ERBB4: variants seen among roughly 807,000 people sequenced by gnomAD.
ERBB4 encodes erb-b2 receptor tyrosine kinase 4.
ERBB4 carries 42 observed loss-of-function variants against 158.0 expected under a neutral mutation model. The ratio of observed to expected loss-of-function variants is 0.27; its 90% CI spans 0.21 to 0.34. ERBB4 has a LOEUF of 0.34. Among genes scored for constraint, ERBB4 ranks in the 10% least tolerant of loss-of-function variants. The pLI is 1.00. For synonymous variants in ERBB4, 583 were observed against 558.7 expected (o/e 1.04, Z -0.61); for missense variants, 1,333 against 1,624.1 (o/e 0.82, Z 3.08).
intron 3 of ERBB4, among the ~76,000 whole-genome samples, chr2:211,926,066 G>C (rs2080013899): frequency 6.6e-6 from 1 of 152,238 alleles, no homozygotes; most frequent in East Asian, 1.9e-4. Flanking sequence ...ACAGCTGAAG[G>C]GAGGTGGTTG....
intron 20 of ERBB4, among the ~76,000 whole-genome samples, chr2:211,440,983 C>G (rs930550903): frequency 3.3e-5 from 5 of 152,194 alleles, no homozygotes; most frequent in Non-Finnish European, 5.9e-5. Flanking sequence ...AAAAGTGGCA[C>G]CTACATACTT....
At chr2:211,832,931 A>G (rs11677638) in intron 3 of ERBB4, among the ~76,000 whole-genome samples, 36,819 of 151,104 alleles carry the variant, frequency 0.24, 5,474 homozygotes, top group East Asian at 0.42. Flanking sequence ...TATAAATTAG[A>G]ATTCTTGTGT....
intron 1 of ERBB4, among the ~76,000 whole-genome samples, chr2:212,281,766 CT>C (rs903106407): frequency 2.6e-5 from 4 of 151,770 alleles, no homozygotes; most frequent in African/African-American, 9.7e-5. Flanking sequence ...CAAATAGCAT[CT>C]TTCCATCTAC....
chr2:211,420,577 T>A lies in ERBB4; in HGVS notation c.2999A>T (p.Asp1000Val), dbSNP rs1248323922. The A allele has an allele frequency of 2.5e-6, 4 of 1,612,862 alleles. No individual in the cohort carries two copies. The highest frequency in any genetic ancestry group is 3.4e-6 in the Non-Finnish European group (4 of 1,179,282). ...CAAGAGATTCTGAAAGAACTTGCTG[T>A]CATTTGGACTGGGAAGCTTCATACG... ...DDRMKLPSPN[D>V]SKFFQNLLDE... Residue 1000 changes from aspartate to valine, a missense_variant, in exon 25 of 28, where the codon GAC (aspartate) becomes GTC (valine). By Grantham distance (152) the Asp-to-Val change is radical. Coordinates refer to ENST00000342788, the MANE Select transcript of ERBB4 (RefSeq NM_005235.3).
intron 4 of ERBB4, among the ~76,000 whole-genome samples, chr2:211,766,831 C>T (rs1430567680): frequency 6.6e-6 from 1 of 152,282 alleles, no homozygotes; most frequent in African/African-American, 2.4e-5. Flanking sequence ...CCCACTCCCC[C>T]ATTTCTGCAT....
chr2:212,152,915 A>T (rs2080917169), intron 1 of ERBB4, among the ~76,000 whole-genome samples: 1 of 152,144 alleles, frequency 6.6e-6, no homozygotes, highest in Non-Finnish European at 1.5e-5. Context: ...AAGCCTAGGC[A>T]TTAAGAGGCA....
intron 18 of ERBB4, among the ~76,000 whole-genome samples, chr2:211,620,475 T>C (rs2069558107): frequency 6.6e-6 from 1 of 152,126 alleles, no homozygotes; most frequent in Non-Finnish European, 1.5e-5. Flanking sequence ...TCAGGAGACC[T>C]GAACACAAGA....
At chr2:212,284,276 C>T (rs1460245832) in intron 1 of ERBB4, among the ~76,000 whole-genome samples, 1 of 151,834 alleles carries the variant, frequency 6.6e-6, no homozygotes, top group Non-Finnish European at 1.5e-5. Context: ...CATTCTTGCC[C>T]TCCTTCTTTC....
At chr2:212,009,587 C>T (rs984225316) in intron 2 of ERBB4, among the ~76,000 whole-genome samples, 2 of 151,898 alleles carry the variant, frequency 1.3e-5, no homozygotes, top group Non-Finnish European at 1.5e-5. Context: ...ATATAGCTAC[C>T]AAATCAAAAC....
intron 2 of ERBB4, among the ~76,000 whole-genome samples, chr2:212,065,422 C>T (rs1039965396): frequency 1.7e-4 from 26 of 151,824 alleles, no homozygotes; most frequent in Middle Eastern, 6.8e-3. Flanking sequence ...GTTTATTTCC[C>T]GGTGATTTAG....
At chr2:211,833,876 T>A (rs2105978114) in intron 3 of ERBB4, among the ~76,000 whole-genome samples, 1 of 152,218 alleles carries the variant, frequency 6.6e-6, no homozygotes, top group Non-Finnish European at 1.5e-5. Flanking sequence ...AGAGTCCCAA[T>A]TTATCTAGGA....
At chr2:212,186,085 G>A (rs114611266) in intron 1 of ERBB4, among the ~76,000 whole-genome samples, 1,545 of 152,082 alleles carry the variant, frequency 0.01, 31 homozygotes, top group African/African-American at 0.034. Context: ...CAAAACCCAA[G>A]GCATTTTGAA....
intron 12 of ERBB4, among the ~76,000 whole-genome samples, chr2:211,692,149 C>A (rs1271761614): frequency 1.3e-5 from 2 of 152,158 alleles, no homozygotes; most frequent in Admixed American, 1.3e-4. Flanking sequence ...TGTTCATAAA[C>A]TCTGTGAATG....
chr2:211,956,759 C>T (rs2081046689), intron 2 of ERBB4, among the ~76,000 whole-genome samples: 1 of 152,026 alleles, frequency 6.6e-6, no homozygotes, highest in Non-Finnish European at 1.5e-5. Flanking sequence ...CTACATAGCT[C>T]ATAAAGATAT....
At chr2:212,512,453 T>C (rs1290490041) in intron 1 of ERBB4, among the ~76,000 whole-genome samples, 5 of 152,134 alleles carry the variant, frequency 3.3e-5, no homozygotes, top group Non-Finnish European at 2.9e-5. Flanking sequence ...CAGAACCTGA[T>C]ACATGGCAGA....
At chr2:211,783,378 G>C (rs2076081034) in intron 4 of ERBB4, among the ~76,000 whole-genome samples, 1 of 152,136 alleles carries the variant, frequency 6.6e-6, no homozygotes. Flanking sequence ...CTGCCTGATG[G>C]CCCTGGCCAG....
intron 3 of ERBB4, among the ~76,000 whole-genome samples, chr2:211,882,482 C>A (rs766463403): frequency 6.6e-6 from 1 of 152,118 alleles, no homozygotes; most frequent in Non-Finnish European, 1.5e-5. Flanking sequence ...ATAAATATGA[C>A]TGCTTGTCAA....
intron 20 of ERBB4, among the ~76,000 whole-genome samples, chr2:211,540,205 T>TATATATATATATATACAC (rs60602351): frequency 6.8e-6 from 1 of 147,766 alleles, no homozygotes; most frequent in South Asian, 2.1e-4. Context: ...TATATATATA[T>TATATATATATATATACAC]ACACACACAC....
chr2:212,395,614 CTTTTTTTTTTTT>C (rs760604732), intron 1 of ERBB4, among the ~76,000 whole-genome samples: 1 of 84,736 alleles, frequency 1.2e-5, no homozygotes, highest in South Asian at 4.4e-4. Flanking sequence ...CAGTTACACT[CTTTTTTTTTTTT>C]TTTTTTTTTT....
Sources: allele counts gnomAD v4.1 joint callset (sites outside exome capture counted in the v4.1 genomes callset), GRCh38; gene constraint gnomAD v4.1.1; transcripts MANE v1.5; gene names NCBI Gene and HGNC (gene_info 2026-07-23, HGNC 2026-07-21).